Variants in PRKD1 observed in about 807,000 individuals in gnomAD.
PRKD1 encodes the protein serine/threonine-protein kinase D1.
PRKD1 carries 63 observed loss-of-function variants against 95.9 expected under a neutral mutation model. The ratio of observed to expected loss-of-function variants is 0.66; its 90% CI spans 0.54 to 0.81. PRKD1 has a LOEUF of 0.81. Among genes scored for constraint, PRKD1 ranks in the 30% least tolerant of loss-of-function variants. The pLI is 0.00. For missense variants in PRKD1, 1,048 were observed against 1,165.3 expected, an observed-to-expected ratio of 0.90 and a Z score of 1.47; for synonymous variants, 425 against 423.1, an observed-to-expected ratio of 1.00 and a Z score of -0.05.
At chr14:29,725,823 G>A (rs1211625074) in intron 1 of PRKD1, 149 bp from the exon 2 acceptor site, 30 of 790,554 alleles carry the variant, frequency 3.8e-5, no homozygotes, top group Non-Finnish European at 5.3e-5. Context: ...ATAAATAAAT[G>A]GTAGAGTTGA....
intron 1 of PRKD1, among the ~76,000 whole-genome samples, chr14:29,861,755 C>T (rs1387192381): frequency 2.0e-5 from 3 of 152,050 alleles, no homozygotes; most frequent in Non-Finnish European, 2.9e-5. Flanking sequence ...CGGGTTCAAG[C>T]GATTCTCCTG....
chr14:29,677,772 C>A (rs539819577), intron 2 of PRKD1, among the ~76,000 whole-genome samples: 1 of 152,270 alleles, frequency 6.6e-6, no homozygotes, highest in South Asian at 2.1e-4. Flanking sequence ...ACCATGTTGG[C>A]CAGGCTTGTC....
At chr14:29,861,329 A>C (rs549603341) in intron 1 of PRKD1, among the ~76,000 whole-genome samples, 14 of 152,120 alleles carry the variant, frequency 9.2e-5, no homozygotes, top group Non-Finnish European at 1.9e-4. Flanking sequence ...ATATCCTGAC[A>C]CACCTTCACT....
At chr14:29,612,186 C>A (rs6571314) in intron 13 of PRKD1, among the ~76,000 whole-genome samples, 65,988 of 152,026 alleles carry the variant, frequency 0.43, 14,880 homozygotes, top group African/African-American at 0.54. Context: ...TACCTTACAT[C>A]TGTATAAGGT....
chr14:29,650,616 T>G (rs1356500494), intron 4 of PRKD1: 1 of 152,226 alleles, frequency 6.6e-6, no homozygotes, highest in African/African-American at 2.4e-5. Context: ...TTAGTGGACA[T>G]GTATCCTGAA....
intron 1 of PRKD1, among the ~76,000 whole-genome samples, chr14:29,863,910 C>T (rs755806152): frequency 4.6e-5 from 7 of 151,914 alleles, no homozygotes; most frequent in South Asian, 2.1e-4. Context: ...AAATGAATAA[C>T]GGCAGTTTTA....
At chr14:29,600,169 G>C (rs149961082) in intron 13 of PRKD1, among the ~76,000 whole-genome samples, 8 of 152,142 alleles carry the variant, frequency 5.3e-5, no homozygotes, top group Admixed American at 5.2e-4. Context: ...AGCATACTAG[G>C]CTATTTATAT....
At chr14:29,753,358 C>T (rs905184522) in intron 1 of PRKD1, among the ~76,000 whole-genome samples, 1 of 152,034 alleles carries the variant, frequency 6.6e-6, no homozygotes, top group South Asian at 2.1e-4. Flanking sequence ...ATTTTTGGTG[C>T]CCCAGTCCTT....
intron 1 of PRKD1, among the ~76,000 whole-genome samples, chr14:29,912,257 C>T (rs1894743559): frequency 6.6e-6 from 1 of 152,018 alleles, no homozygotes; most frequent in African/African-American, 2.4e-5. Flanking sequence ...ATGTAGACAT[C>T]TTGGAGGGTC....
intron 1 of PRKD1, among the ~76,000 whole-genome samples, chr14:29,854,306 G>A (rs1489362015): frequency 6.6e-6 from 1 of 152,196 alleles, no homozygotes; most frequent in Non-Finnish European, 1.5e-5. Flanking sequence ...TATGGACAAT[G>A]AAATCCAGGC....
chr14:29,912,696 T>A (rs1894759652), intron 1 of PRKD1, among the ~76,000 whole-genome samples: 1 of 152,240 alleles, frequency 6.6e-6, no homozygotes, highest in Non-Finnish European at 1.5e-5. Context: ...TTCTAAATAA[T>A]CAAAGACATC....
At chr14:29,830,694 A>G (rs914173311) in intron 1 of PRKD1, among the ~76,000 whole-genome samples, 25 of 149,946 alleles carry the variant, frequency 1.7e-4, no homozygotes, top group South Asian at 4.2e-4. Context: ...TTTTGGTCTC[A>G]TGTGTTGGTT....
intron 16 of PRKD1, among the ~76,000 whole-genome samples, chr14:29,585,550 A>G (rs1190683398): frequency 1.3e-5 from 2 of 152,210 alleles, no homozygotes; most frequent in Non-Finnish European, 2.9e-5. Flanking sequence ...TTCAAAATTT[A>G]AAGAAGAAAT....
intron 17 of PRKD1, 112 bp from the exon 18 acceptor site, chr14:29,577,568 C>T: frequency 5.9e-6 from 6 of 1,022,140 alleles, no homozygotes; most frequent in South Asian, 2.8e-5. Flanking sequence ...TCCACTCTAA[C>T]AGCGCTGAAT....
chr14:29,904,640 G>A (rs751814652), intron 1 of PRKD1, among the ~76,000 whole-genome samples: 2 of 152,100 alleles, frequency 1.3e-5, no homozygotes, highest in African/African-American at 4.8e-5. Context: ...ACTGACCTAT[G>A]AGAAGTGGAT....
At chr14:29,585,802 T>C (rs1892904580) in intron 16 of PRKD1, among the ~76,000 whole-genome samples, 1 of 152,190 alleles carries the variant, frequency 6.6e-6, no homozygotes, top group Non-Finnish European at 1.5e-5. Context: ...GACTACACAC[T>C]AAAATCCTTT....
At chr14:29,844,554 A>G (rs1431607920) in intron 1 of PRKD1, among the ~76,000 whole-genome samples, 1 of 152,170 alleles carries the variant, frequency 6.6e-6, no homozygotes, top group Non-Finnish European at 1.5e-5. Flanking sequence ...TAAATTCAGT[A>G]AAGTGTACTA....
At chr14:29,710,385 G>A (rs999250800) in intron 2 of PRKD1, among the ~76,000 whole-genome samples, 3 of 152,100 alleles carry the variant, frequency 2.0e-5, no homozygotes, top group African/African-American at 7.2e-5. Flanking sequence ...CCTATGTGAC[G>A]TGATAAGAAA....
intron 15 of PRKD1, among the ~76,000 whole-genome samples, chr14:29,598,128 T>C (rs184620802): frequency 2.0e-5 from 3 of 151,758 alleles, no homozygotes; most frequent in African/African-American, 7.2e-5. Context: ...ATTAAAAAAT[T>C]AGCCCGGCGT....
Sources: allele counts gnomAD v4.1 joint callset (sites outside exome capture counted in the v4.1 genomes callset), GRCh38; gene constraint gnomAD v4.1.1; transcripts MANE v1.5; gene names NCBI Gene and HGNC (gene_info 2026-07-23, HGNC 2026-07-21).